The following SCFD2 variants were observed in gnomAD, a reference collection of about 807,000 sequenced individuals.
SCFD2 encodes sec1 family domain-containing protein 2.
Under a neutral mutation model 58.9 loss-of-function variants are expected in SCFD2, and 54 were observed. That is an observed-to-expected ratio of 0.92 (90% confidence interval 0.74 to 1.15). The LOEUF (loss-of-function observed/expected upper bound fraction) is 1.15. SCFD2 is among the 50% of genes most tolerant of loss of function. The probability of loss-of-function intolerance (pLI) is 0.00; values close to 1 mark genes in which losing one functional copy is unlikely to be tolerated. For missense variants in SCFD2, 805 were observed against 836.6 expected, an observed-to-expected ratio of 0.96 and a Z score of 0.47; for synonymous variants, 321 against 335.9, an observed-to-expected ratio of 0.96 and a Z score of 0.49.
intron 5 of SCFD2, among the ~76,000 whole-genome samples, chr4:53,019,248 A>T (rs1343644454): frequency 6.6e-6 from 1 of 152,268 alleles, no homozygotes; most frequent in Non-Finnish European, 1.5e-5. Context: ...AATAAAAAAT[A>T]GTAAATCTTA....
intron 5 of SCFD2, among the ~76,000 whole-genome samples, chr4:52,963,640 A>C (rs1039430334): frequency 1.3e-5 from 2 of 152,130 alleles, no homozygotes; most frequent in Non-Finnish European, 2.9e-5. Flanking sequence ...CATCAAATGA[A>C]CTCAAATTCC....
intron 4 of SCFD2, among the ~76,000 whole-genome samples, chr4:53,234,460 A>T (rs572729897): frequency 3.3e-5 from 5 of 152,306 alleles, no homozygotes; most frequent in South Asian, 2.1e-4. Flanking sequence ...GAATGATTTT[A>T]AAAAATGGGG....
At chr4:53,246,983 C>T (rs536738657) in intron 4 of SCFD2, among the ~76,000 whole-genome samples, 1 of 110,716 alleles carries the variant, frequency 9.0e-6, no homozygotes, top group African/African-American at 3.3e-5. Flanking sequence ...CTGTAAGGAA[C>T]TTAAAAAATT....
intron 5 of SCFD2, among the ~76,000 whole-genome samples, chr4:52,940,452 G>A (rs527999741): frequency 2.6e-5 from 4 of 152,298 alleles, no homozygotes; most frequent in African/African-American, 7.2e-5. Context: ...AGAGAGACAA[G>A]TAAGTCCCAC....
chr4:53,330,064 A>G (rs3959521), intron 2 of SCFD2, among the ~76,000 whole-genome samples: 146,703 of 150,800 alleles, frequency 0.97, 71,454 homozygotes, highest in East Asian at 1. Context: ...AAAAAGAAAC[A>G]AACAAAGCCT....
intron 4 of SCFD2, among the ~76,000 whole-genome samples, chr4:53,262,771 G>A (rs1730866230): frequency 6.6e-6 from 1 of 152,104 alleles, no homozygotes; most frequent in Non-Finnish European, 1.5e-5. Flanking sequence ...GGTGTTCTTT[G>A]AGCTTCTGGT....
chr4:52,993,366 G>C (rs1291450665), intron 5 of SCFD2, among the ~76,000 whole-genome samples: 1 of 151,314 alleles, frequency 6.6e-6, no homozygotes, highest in African/African-American at 2.4e-5. Context: ...TCCCCCTCTC[G>C]GAGAAACACC....
chr4:53,055,992 T>C (rs1723327209), intron 5 of SCFD2, among the ~76,000 whole-genome samples: 1 of 152,086 alleles, frequency 6.6e-6, no homozygotes, highest in Admixed American at 6.6e-5. Flanking sequence ...GGAAGGAAAA[T>C]AAAGTACCCC....
intron 2 of SCFD2, among the ~76,000 whole-genome samples, chr4:53,348,786 C>T (rs556360464): frequency 7.9e-5 from 12 of 151,622 alleles, no homozygotes; most frequent in Non-Finnish European, 1.6e-4. Context: ...CCAATCTCAA[C>T]TCACTGCAAC....
chr4:53,248,257 T>C (rs1333420699), intron 4 of SCFD2, among the ~76,000 whole-genome samples: 1 of 152,196 alleles, frequency 6.6e-6, no homozygotes, highest in Non-Finnish European at 1.5e-5. Flanking sequence ...ATCCCGCACC[T>C]GGCTTGGAGG....
intron 5 of SCFD2, among the ~76,000 whole-genome samples, chr4:52,976,595 G>A (rs1008220980): frequency 6.6e-6 from 1 of 152,122 alleles, no homozygotes; most frequent in Non-Finnish European, 1.5e-5. Context: ...GGTAGGCTTG[G>A]TGAAGTCAGA....
chr4:53,215,031 T>C (rs1203958626), intron 4 of SCFD2, among the ~76,000 whole-genome samples: 1 of 152,154 alleles, frequency 6.6e-6, no homozygotes, highest in African/African-American at 2.4e-5. Context: ...TTGGTACCAG[T>C]ACCACGCTGT....
chr4:53,295,790 C>T (rs952069886), intron 3 of SCFD2, among the ~76,000 whole-genome samples: 11 of 151,964 alleles, frequency 7.2e-5, no homozygotes, highest in Non-Finnish European at 1.5e-4. Context: ...AAATAACTCT[C>T]AATATTTTGA....
intron 2 of SCFD2, among the ~76,000 whole-genome samples, chr4:53,341,602 G>C (rs1247545960): frequency 6.6e-6 from 1 of 152,124 alleles, no homozygotes. Flanking sequence ...AGGAAATACA[G>C]AAAACGCCAC....
intron 2 of SCFD2, among the ~76,000 whole-genome samples, chr4:53,341,188 C>A (rs1733859492): frequency 6.6e-6 from 1 of 152,234 alleles, no homozygotes; most frequent in Admixed American, 6.5e-5. Context: ...GAAACCATCA[C>A]AAAGAAGCTA....
chr4:53,046,808 C>G (rs1723052349), intron 5 of SCFD2, among the ~76,000 whole-genome samples: 1 of 152,102 alleles, frequency 6.6e-6, no homozygotes, highest in African/African-American at 2.4e-5. Context: ...GCTGGGATTA[C>G]AGGCACGCGC....
intron 3 of SCFD2, among the ~76,000 whole-genome samples, chr4:53,302,079 A>G (rs1732327002): frequency 6.6e-6 from 1 of 152,126 alleles, no homozygotes; most frequent in South Asian, 2.1e-4. Context: ...CCTATTCAAC[A>G]TAGTGTTGGA....
intron 7 of SCFD2, among the ~76,000 whole-genome samples, chr4:52,897,739 C>T (rs1444937531): frequency 6.6e-6 from 1 of 152,088 alleles, no homozygotes; most frequent in Non-Finnish European, 1.5e-5. Flanking sequence ...GGTACCAGCT[C>T]CTCCTTGTAC....
chr4:52,924,533 A>C (rs1719818087), intron 5 of SCFD2, among the ~76,000 whole-genome samples: 2 of 152,200 alleles, frequency 1.3e-5, no homozygotes, highest in Admixed American at 1.3e-4. Context: ...GTACATGGGC[A>C]ATTTCTATCC....
Sources: gnomAD v4.1 joint callset for allele counts (sites outside exome capture counted in the v4.1 genomes callset) on GRCh38, gnomAD v4.1.1 for gene constraint, MANE v1.5 for transcripts, NCBI Gene and HGNC (gene_info 2026-07-23, HGNC 2026-07-21) for gene names.